UNC45B: variants seen among roughly 807,000 people sequenced by gnomAD.
UNC45B encodes protein unc-45 homolog B.
Under a neutral mutation model 98.7 loss-of-function variants are expected in UNC45B, and 78 were observed. The ratio of observed to expected loss-of-function variants is 0.79; its 90% CI spans 0.66 to 0.95. The LOEUF (loss-of-function observed/expected upper bound fraction) is 0.95, where lower values mean the gene tolerates loss of function less well. Ranked by LOEUF, UNC45B falls within the 40% of genes least tolerant of loss-of-function variation. UNC45B has a pLI of 0.00. For synonymous variants in UNC45B, 462 were observed against 480.4 expected (o/e 0.96, Z 0.50); for missense variants, 1,225 against 1,184.9 (o/e 1.03, Z -0.50).
intron 15 of UNC45B, 79 bp downstream of exon 15, chr17:35,176,113 C>A: frequency 7.1e-7 from 1 of 1,407,906 alleles, no homozygotes; most frequent in Non-Finnish European, 1.0e-6. Context: ...ACCCTCTGCC[C>A]CAACTCGACC....
intron 17 of UNC45B, among the ~76,000 whole-genome samples, chr17:35,179,204 ATTTG>A (rs1433515856): frequency 6.6e-6 from 1 of 152,162 alleles, no homozygotes; most frequent in African/African-American, 2.4e-5. Context: ...ATGTTCTTCC[ATTTG>A]TTTGTGTCCT....
Position 35,170,256 on chromosome 17 carries a change from G to A in UNC45B, c.1689+1G>A. On this transcript the variant is annotated splice_donor_variant, in intron 12 of 19. Coordinates refer to ENST00000394570, the MANE Select transcript of UNC45B (RefSeq NM_001267052.2). LOFTEE classifies it high-confidence loss of function. ...GCAGGCCATGTTTGAGCTGGCCAAG[G>A]CAGGTGTCGGGGAGTCTGGCCCGAC... The A allele has an allele frequency of 6.2e-7, 1 of 1,604,088 alleles. No homozygotes were observed.
intron 3 of UNC45B, 112 bp from the exon 4 acceptor site, chr17:35,149,936 C>A: frequency 1.8e-5 from 21 of 1,175,628 alleles, no homozygotes; most frequent in Non-Finnish European, 2.3e-5. Context: ...GGATAATCTC[C>A]AAGGAAGACA....
At chr17:35,178,022 C>T (rs2092248260) in intron 17 of UNC45B, among the ~76,000 whole-genome samples, 1 of 152,140 alleles carries the variant, frequency 6.6e-6, no homozygotes, top group African/African-American at 2.4e-5. Context: ...GCCTCAGCCT[C>T]TCGAGTAGCT....
At chr17:35,183,994 A>G (rs962185545) in intron 19 of UNC45B, among the ~76,000 whole-genome samples, 1 of 152,208 alleles carries the variant, frequency 6.6e-6, no homozygotes, top group Non-Finnish European at 1.5e-5. Flanking sequence ...ACCAGCTCCT[A>G]TGAGACTGTG....
chr17:35,153,094 A>C (rs1425758075), intron 5 of UNC45B, 112 bp downstream of exon 5: 4 of 863,920 alleles, frequency 4.6e-6, no homozygotes, highest in Non-Finnish European at 7.3e-6. Context: ...CCCAGGAAGG[A>C]AAATTGGCCA....
At chr17:35,179,035 C>T (rs746456773) in intron 17 of UNC45B, among the ~76,000 whole-genome samples, 28 of 152,272 alleles carry the variant, frequency 1.8e-4, no homozygotes, top group Non-Finnish European at 3.4e-4. Flanking sequence ...CTTGGCTATG[C>T]CTGCTCTTTC....
chr17:35,148,088 T>A (rs1282101169), intron 1 of UNC45B, among the ~76,000 whole-genome samples, 176 bp from the exon 2 acceptor site: 2 of 152,142 alleles, frequency 1.3e-5, no homozygotes, highest in Non-Finnish European at 2.9e-5. Context: ...GCAAATGCTA[T>A]AATGTCCTCA....
chr17:35,178,259 T>C (rs955897144), intron 17 of UNC45B, among the ~76,000 whole-genome samples: 4 of 152,220 alleles, frequency 2.6e-5, no homozygotes, highest in African/African-American at 7.2e-5. Context: ...TGGTGTCTCA[T>C]TGTGGTTTTG....
chr17:35,160,575 G>C (rs1473967989), intron 8 of UNC45B, among the ~76,000 whole-genome samples: 1 of 152,112 alleles, frequency 6.6e-6, no homozygotes, highest in East Asian at 1.9e-4. Flanking sequence ...GAGTAGCTGG[G>C]ACCACAGGCA....
At position 35,148,351 on chromosome 17, in the gene UNC45B, A is replaced by G. The variant is rs750854657; in HGVS notation, c.88A>G (p.Ser30Gly). 6.2e-7 allele frequency: 1 copy of G among 1,614,140 alleles called. No homozygotes were observed. Among genetic ancestry groups the G allele is most frequent in the South Asian group, 1.1e-5 (1 of 91,080 alleles). ...CTACAAGGCCGCCACAAATAGCTACAGCCAGGCCCTGAAGCTGACCAAGGA... is the reference window on the plus strand; with the variant it reads ...CTACAAGGCCGCCACAAATAGCTACGGCCAGGCCCTGAAGCTGACCAAGGA... Reference protein sequence around the residue: ...QDYKAATNSYSQALKLTKDKA... With the variant: ...QDYKAATNSYGQALKLTKDKA... Residue 30 changes from serine to glycine, a missense_variant, in exon 2 of 20, where the codon AGC becomes GGC. Physicochemically the swap from Ser to Gly is moderately conservative, Grantham distance 56 (BLOSUM62 0). Coordinates refer to ENST00000394570, the MANE Select transcript of UNC45B (RefSeq NM_001267052.2).
rs8067314 is a variant in UNC45B, at chr17:35,164,433, A to G, written c.1151+267A>G. ...GATGGTGGACTCACACAGCTGGCAC[A>G]CTGGTGCTGGCTGTTGGTGGGAGGC... On this transcript the variant is annotated intron_variant, in intron 9 of 19. Transcript: ENST00000394570. 0.36 allele frequency: 104,255 copies of G among 289,252 alleles called. 19,336 individuals carry two copies. Among genetic ancestry groups the G allele is most frequent in the African/African-American group, 0.43 (19,219 of 45,148 alleles). The allele number at this position is 289,252 out of a possible 1,614,324, so 17.9% of individuals were successfully genotyped here.
Position 35,171,474 on chromosome 17 carries a change from C to A in UNC45B, c.1830+12C>A, listed in dbSNP as rs754625788. Reference sequence around the variant, plus strand: ...AGGAACACCCCAAGGTAGGGTCAGGCGCGACCCGGGAGGGGTCTGGTCTGT... The same window carrying A: ...AGGAACACCCCAAGGTAGGGTCAGGAGCGACCCGGGAGGGGTCTGGTCTGT... On this transcript the variant is annotated intron_variant, in intron 13 of 19. Transcript: ENST00000394570. 6.2e-7 allele frequency: 1 copy of A among 1,613,228 alleles called. No individual in the cohort carries two copies. Among genetic ancestry groups the A allele is most frequent in the Non-Finnish European group, 8.5e-7 (1 of 1,179,524 alleles).
Position 35,160,417 on chromosome 17 carries a change from A to G in UNC45B, c.979+872A>G, listed in dbSNP as rs565208032. 2.6e-5 allele frequency among the ~76,000 whole-genome samples: 4 copies of G among 152,268 alleles called. 1 individual carries two copies. Among genetic ancestry groups the G allele is most frequent in the African/African-American group, 7.2e-5 (3 of 41,558 alleles). Reference sequence around the variant, plus strand: ...TTGGTTTAGGGAGTTGGGGGTCCCAAGATTTCATTTTTGTGTATCTATCTA... The same window carrying G: ...TTGGTTTAGGGAGTTGGGGGTCCCAGGATTTCATTTTTGTGTATCTATCTA... On this transcript the variant is annotated intron_variant, in intron 8 of 19. Coordinates refer to ENST00000394570, the MANE Select transcript of UNC45B (RefSeq NM_001267052.2).
At chr17:35,157,343 G>A (rs1032820822) in intron 7 of UNC45B, among the ~76,000 whole-genome samples, 5 of 152,004 alleles carry the variant, frequency 3.3e-5, no homozygotes, top group East Asian at 1.9e-4. Context: ...GGGTTTAAGC[G>A]ATTCTCCTGC....
rs1344831821 is a variant in UNC45B at position 35,177,088 on chromosome 17, C to A, written c.2097C>A (p.Ile699=). The A allele has an allele frequency of 6.2e-7, 1 of 1,614,036 alleles. No homozygotes were observed. The part of the protein sequence containing the change: ...KVKAAHALAK[I]AAVSNPDIAF... ...AGGCAGCCCACGCTCTAGCAAAGAT[C>A]GCTGCTGTCTCCAATCCGGACATTG... The change falls in exon 16 of 20, where the codon ATC becomes ATA. Residue 699 remains isoleucine, a synonymous_variant. Coordinates refer to ENST00000394570, the MANE Select transcript of UNC45B (RefSeq NM_001267052.2).
intron 7 of UNC45B, 100 bp from the exon 8 acceptor site, chr17:35,159,275 G>T (rs2092084984): frequency 2.7e-6 from 3 of 1,092,226 alleles, no homozygotes; most frequent in Non-Finnish European, 4.0e-6. Flanking sequence ...GGAAGTAGTG[G>T]ATTCAGTACT....
intron 9 of UNC45B, among the ~76,000 whole-genome samples, 190 bp from the exon 10 acceptor site, chr17:35,167,871 C>G (rs1428028066): frequency 6.6e-6 from 1 of 152,192 alleles, no homozygotes; most frequent in Non-Finnish European, 1.5e-5. Flanking sequence ...CACCACAACT[C>G]TGAGAACTAG....
chr17:35,181,341 C>T (rs1597936357), intron 18 of UNC45B, among the ~76,000 whole-genome samples: 1 of 152,290 alleles, frequency 6.6e-6, no homozygotes, highest in African/African-American at 2.4e-5. Context: ...GAGATAACAG[C>T]AGGGTCTAAG....
Sources: allele counts gnomAD v4.1 joint callset (sites outside exome capture counted in the v4.1 genomes callset), GRCh38; gene constraint gnomAD v4.1.1; transcripts MANE v1.5; gene names NCBI Gene and HGNC (gene_info 2026-07-23, HGNC 2026-07-21).